The following THSD7B variants were observed in gnomAD, a reference collection of about 807,000 sequenced individuals.
The protein encoded by THSD7B is thrombospondin type-1 domain-containing protein 7B.
A neutral mutation model predicts 213.6 loss-of-function variants in THSD7B; 138 were observed. That is an observed-to-expected ratio of 0.65 (90% confidence interval 0.56 to 0.74). THSD7B has a LOEUF of 0.74. Among genes scored for constraint, THSD7B ranks in the 30% least tolerant of loss-of-function variants. The probability of loss-of-function intolerance (pLI) is 0.00; values close to 1 mark genes in which losing one functional copy is unlikely to be tolerated. For synonymous variants in THSD7B, 742 were observed against 687.0 expected, an observed-to-expected ratio of 1.08 and a Z score of -1.25; for missense variants, 1,931 against 1,991.5, an observed-to-expected ratio of 0.97 and a Z score of 0.58.
At chr2:136,918,361 G>C (rs1019197353) in intron 2 of THSD7B, among the ~76,000 whole-genome samples, 5 of 152,182 alleles carry the variant, frequency 3.3e-5, no homozygotes, top group Admixed American at 6.5e-5. Flanking sequence ...GTTTCAGTGA[G>C]CTGGAAATGG....
chr2:137,284,781 C>G (rs982139070), intron 12 of THSD7B, among the ~76,000 whole-genome samples: 1 of 152,096 alleles, frequency 6.6e-6, no homozygotes, highest in African/African-American at 2.4e-5. Flanking sequence ...GTTAGAATTT[C>G]TGTTCTTTTA....
chr2:137,016,179 G>C (rs964677683), intron 2 of THSD7B, among the ~76,000 whole-genome samples: 2 of 152,064 alleles, frequency 1.3e-5, no homozygotes, highest in Non-Finnish European at 2.9e-5. Flanking sequence ...TTGAGGCTTG[G>C]GGGGTGAGGT....
At chr2:137,333,885 G>C (rs1227778436) in intron 12 of THSD7B, among the ~76,000 whole-genome samples, 1 of 152,298 alleles carries the variant, frequency 6.6e-6, no homozygotes, top group South Asian at 2.1e-4. Context: ...AGAGGAGGTT[G>C]AGTGGAAAAG....
intron 17 of THSD7B, among the ~76,000 whole-genome samples, chr2:137,589,924 G>T (rs960680514): frequency 6.6e-6 from 1 of 152,144 alleles, no homozygotes; most frequent in African/African-American, 2.4e-5. Context: ...AGGAACAAAA[G>T]ACTAAGACTA....
chr2:137,303,726 A>T lies in THSD7B; in HGVS notation c.2500+27700A>T, dbSNP rs1297106044. 3.6e-5 allele frequency among the ~76,000 whole-genome samples: 5 copies of T among 137,788 alleles called. 1 individual carries two copies. The highest frequency in any genetic ancestry group is 7.6e-5 in the Non-Finnish European group (5 of 65,948). 90.4% of individuals were successfully genotyped at this position (137,788 alleles called of 152,430 possible). A position where few individuals can be genotyped will look rare whatever the true frequency, so the allele number is the denominator to read the frequency against. On this transcript the variant is annotated intron_variant, in intron 12 of 27. Coordinates refer to ENST00000409968, the MANE Select transcript of THSD7B (RefSeq NM_001316349.2). ...TATTTATATATATATTTATATATAT[A>T]TTTATATATATATTTATATATATAT...
At chr2:137,338,401 AGGTGGGAGGACT>A (rs1399696472) in intron 12 of THSD7B, among the ~76,000 whole-genome samples, 3 of 152,096 alleles carry the variant, frequency 2.0e-5, no homozygotes, top group South Asian at 4.1e-4. Flanking sequence ...CAAGGGTGGG[AGGTGGGAGGACT>A]GGCCTCTGAC....
intron 15 of THSD7B, among the ~76,000 whole-genome samples, chr2:137,546,473 TATATAA>T (rs1431934324): frequency 8.1e-5 from 5 of 61,954 alleles, no homozygotes; most frequent in African/African-American, 3.9e-4. Flanking sequence ...AATATATATA[TATATAA>T]TATATATATA....
Position 137,347,575 on chromosome 2 carries a change from TA to T in THSD7B, c.2501-58035del, listed in dbSNP as rs1195859116. On this transcript the variant is annotated intron_variant, in intron 12 of 27. Transcript: ENST00000409968. ...TATTGATTTTTTTTTTTTTTTTTTT[TA>T]AATAACAAGAGGAGAAGCAGTAGAG... is the stretch of plus-strand genomic sequence containing the variant. 4.5e-3 allele frequency among the ~76,000 whole-genome samples: 577 copies of T among 127,522 alleles called. 3 individuals carry two copies. Among genetic ancestry groups the T allele is most frequent in the African/African-American group, 0.016 (524 of 32,534 alleles). The allele number at this position is 127,522 out of a possible 152,430, so 83.7% of individuals were successfully genotyped here. A position where few individuals can be genotyped will look rare whatever the true frequency, so the allele number is the denominator to read the frequency against.
At chr2:137,597,498 C>T (rs182117201) in intron 17 of THSD7B, among the ~76,000 whole-genome samples, 119 of 149,310 alleles carry the variant, frequency 8.0e-4, no homozygotes, top group African/African-American at 2.8e-3. Context: ...CTTTTGTTTG[C>T]AAATATCACT....
intron 10 of THSD7B, among the ~76,000 whole-genome samples, chr2:137,259,467 G>A (rs991359111): frequency 9.9e-5 from 15 of 152,046 alleles, no homozygotes; most frequent in African/African-American, 3.4e-4. Flanking sequence ...TATGTTTGTT[G>A]GCTGCATAAA....
intron 1 of THSD7B, among the ~76,000 whole-genome samples, chr2:136,804,507 G>A (rs764528709): frequency 6.6e-6 from 1 of 151,944 alleles, no homozygotes; most frequent in Non-Finnish European, 1.5e-5. Flanking sequence ...AAAACAGAGT[G>A]ATTTCTTTAT....
At chr2:137,095,479 G>A (rs1208030716) in intron 4 of THSD7B, among the ~76,000 whole-genome samples, 1 of 152,084 alleles carries the variant, frequency 6.6e-6, no homozygotes, top group Non-Finnish European at 1.5e-5. Context: ...AAAAACCTGA[G>A]AGGCCATTCA....
At chr2:137,594,446 A>T (rs1681920659) in intron 17 of THSD7B, among the ~76,000 whole-genome samples, 1 of 152,058 alleles carries the variant, frequency 6.6e-6, no homozygotes, top group Non-Finnish European at 1.5e-5. Flanking sequence ...CACCAATGTT[A>T]TCTGCTATAA....
chr2:137,513,792 A>G (rs1352456372), intron 15 of THSD7B, among the ~76,000 whole-genome samples: 1 of 152,208 alleles, frequency 6.6e-6, no homozygotes, highest in Non-Finnish European at 1.5e-5. Flanking sequence ...GAGTTTGTGG[A>G]TGAGGCAGCA....
chr2:136,965,083 C>T (rs1439098449), intron 2 of THSD7B, among the ~76,000 whole-genome samples: 1 of 151,486 alleles, frequency 6.6e-6, no homozygotes, highest in Non-Finnish European at 1.5e-5. Context: ...ACACTTTTAC[C>T]TGCTCCATTG....
chr2:137,322,355 A>G (rs542169742), intron 12 of THSD7B, among the ~76,000 whole-genome samples: 1 of 152,308 alleles, frequency 6.6e-6, no homozygotes, highest in Non-Finnish European at 1.5e-5. Flanking sequence ...ATTAAAATGA[A>G]ATTAGAGGAG....
chr2:137,193,871 C>G (rs1680708140), intron 7 of THSD7B, among the ~76,000 whole-genome samples: 1 of 150,806 alleles, frequency 6.6e-6, no homozygotes, highest in Non-Finnish European at 1.5e-5. Flanking sequence ...CTTGTGCATC[C>G]TAGATAATTC....
intron 4 of THSD7B, 71 bp from the exon 5 acceptor site, chr2:137,115,053 C>T (rs781609447): frequency 8.8e-5 from 139 of 1,573,050 alleles, no homozygotes; most frequent in Non-Finnish European, 1.2e-4. Flanking sequence ...GATGTCATGA[C>T]TTAAGTTTTC....
In THSD7B at chr2:137,575,836, C is replaced by T. The variant is rs548909136; in HGVS notation, c.3423+3280C>T. ...ACAATAACCTTCCTAATAGTGTTTA[C>T]TCTTTAAAAGTATGTGTGTGTATAC... On this transcript the variant is annotated intron_variant, in intron 17 of 27. Transcript: ENST00000409968. Among the ~76,000 whole-genome samples the T allele has an allele frequency of 1.2e-4, 18 of 151,820 alleles. No homozygotes were observed. The East Asian group carries it at 3.5e-3, about 29-fold the overall frequency.
Sources: allele counts gnomAD v4.1 joint callset (sites outside exome capture counted in the v4.1 genomes callset), GRCh38; gene constraint gnomAD v4.1.1; transcripts MANE v1.5; gene names NCBI Gene and HGNC (gene_info 2026-07-23, HGNC 2026-07-21).